NSRP1: variants seen among roughly 807,000 people sequenced by gnomAD.
NSRP1 encodes coiled-coil domain containing 55.
NSRP1 carries 24 observed loss-of-function variants against 54.7 expected under a neutral mutation model. That is an observed-to-expected ratio of 0.44 (90% CI 0.32 to 0.62). The LOEUF is 0.62. NSRP1 is among the 20% of genes least tolerant of loss of function. The pLI is 0.06. For synonymous variants in NSRP1, 210 were observed against 213.8 expected, an observed-to-expected ratio of 0.98 and a Z score of 0.15; for missense variants, 596 against 651.2, an observed-to-expected ratio of 0.92 and a Z score of 0.92.
intron 2 of NSRP1, among the ~76,000 whole-genome samples, chr17:30,152,933 G>C (rs1220659745): frequency 1.0e-5 from 1 of 96,868 alleles, no homozygotes; most frequent in African/African-American, 4.0e-5. Flanking sequence ...TTTTGAGACA[G>C]AGCCTTGCTC....
intron 6 of NSRP1, among the ~76,000 whole-genome samples, chr17:30,181,238 T>C (rs1905281005): frequency 6.6e-6 from 1 of 152,178 alleles, no homozygotes; most frequent in South Asian, 2.1e-4. Context: ...TCACAGAAAT[T>C]GTTACATTAA....
rs190283261 is a variant in NSRP1, at chr17:30,153,909, C to G, written c.115-18633C>G. 4.6e-3 allele frequency among the ~76,000 whole-genome samples: 700 copies of G among 152,260 alleles called. 1 individual carries two copies. The highest frequency in any genetic ancestry group is 8.2e-3 in the Non-Finnish European group (558 of 68,012). ...ATAGCCACGTGTGACTGGTGGCTAA[C>G]ATATTGGACAACACAGGTAAAAGAT... On this transcript the variant is annotated intron_variant, in intron 2 of 6. Transcript: ENST00000247026.
chr17:30,177,881 T>TCATACCC, intron 3 of NSRP1, 190 bp from the exon 4 acceptor site: 1 of 663,530 alleles, frequency 1.5e-6, no homozygotes, highest in Admixed American at 2.7e-5. Context: ...CCGGAGTAAT[T>TCATACCC]AGTAAGTGTA....
chr17:30,172,720 G>T, intron 3 of NSRP1, 122 bp downstream of exon 3: 1 of 660,574 alleles, frequency 1.5e-6, no homozygotes, highest in Non-Finnish European at 2.5e-6. Flanking sequence ...ACACAATGAA[G>T]AATTAGCTCC....
intron 2 of NSRP1, among the ~76,000 whole-genome samples, chr17:30,167,269 A>G (rs1478598503): frequency 6.6e-6 from 1 of 152,172 alleles, no homozygotes; most frequent in Non-Finnish European, 1.5e-5. Flanking sequence ...ATACTGTATT[A>G]GTATTTTAAG....
At chr17:30,121,059 A>C (rs1229655879) in intron 2 of NSRP1, among the ~76,000 whole-genome samples, 1 of 152,188 alleles carries the variant, frequency 6.6e-6, no homozygotes, top group East Asian at 1.9e-4. Flanking sequence ...AGTACAAGGC[A>C]TTTTTGTGGA....
intron 3 of NSRP1, among the ~76,000 whole-genome samples, chr17:30,172,822 CT>C (rs1905000212): frequency 6.6e-6 from 1 of 151,532 alleles, no homozygotes; most frequent in African/African-American, 2.4e-5. Context: ...TTATTAAATT[CT>C]TGCTAGTGAG....
chr17:30,153,403 A>C (rs535709117), intron 2 of NSRP1, among the ~76,000 whole-genome samples: 1 of 152,110 alleles, frequency 6.6e-6, no homozygotes, highest in South Asian at 2.1e-4. Flanking sequence ...AATTTTGGTC[A>C]TTATCCCAAA....
intron 2 of NSRP1, among the ~76,000 whole-genome samples, chr17:30,160,473 A>G (rs1904475724): frequency 6.6e-6 from 1 of 152,094 alleles, no homozygotes; most frequent in Non-Finnish European, 1.5e-5. Context: ...ATTCAATCTC[A>G]TTACTCGTTG....
At chr17:30,140,905 C>G (rs1001935353) in intron 2 of NSRP1, among the ~76,000 whole-genome samples, 2 of 152,136 alleles carry the variant, frequency 1.3e-5, no homozygotes, top group Admixed American at 1.3e-4. Flanking sequence ...GCCAGGACCT[C>G]CTGGGCTCAG....
At chr17:30,131,301 CTT>C (rs2151880747) in intron 2 of NSRP1, among the ~76,000 whole-genome samples, 1 of 151,224 alleles carries the variant, frequency 6.6e-6, no homozygotes, top group South Asian at 2.1e-4. Context: ...TGAATAGTAA[CTT>C]TTAAAATTTA....
At chr17:30,175,524 C>G (rs1320587035) in intron 3 of NSRP1, among the ~76,000 whole-genome samples, 2 of 152,010 alleles carry the variant, frequency 1.3e-5, no homozygotes, top group Non-Finnish European at 2.9e-5. Context: ...ACCTCCACCT[C>G]CTGGATTCAA....
intron 2 of NSRP1, among the ~76,000 whole-genome samples, chr17:30,157,440 T>A (rs931433385): frequency 1.3e-5 from 2 of 152,186 alleles, no homozygotes; most frequent in African/African-American, 4.8e-5. Context: ...GTTTTATCAT[T>A]TTTATATGTT....
At chr17:30,176,447 A>G (rs908461655) in intron 3 of NSRP1, among the ~76,000 whole-genome samples, 5 of 151,982 alleles carry the variant, frequency 3.3e-5, no homozygotes, top group Non-Finnish European at 5.9e-5. Flanking sequence ...CGTCTCTACT[A>G]AAAATACAAA....
intron 2 of NSRP1, among the ~76,000 whole-genome samples, chr17:30,148,213 A>G (rs972795575): frequency 9.9e-5 from 15 of 152,202 alleles, no homozygotes; most frequent in African/African-American, 3.4e-4. Context: ...AATATGGTTT[A>G]TTAGATTGAT....
At chr17:30,155,243 A>G (rs2071950696) in intron 2 of NSRP1, among the ~76,000 whole-genome samples, 1 of 152,124 alleles carries the variant, frequency 6.6e-6, no homozygotes, top group Non-Finnish European at 1.5e-5. Context: ...ATTTGATGAC[A>G]TTCCGATTGT....
chr17:30,176,618 C>CCAA (rs1555583105), intron 3 of NSRP1, among the ~76,000 whole-genome samples: 2 of 120,332 alleles, frequency 1.7e-5, no homozygotes, highest in Non-Finnish European at 1.7e-5. Flanking sequence ...CCCCCCCCCC[C>CCAA]AAAAAAAAAA....
intron 4 of NSRP1, 91 bp downstream of exon 4, chr17:30,178,290 G>A: frequency 3.5e-6 from 5 of 1,442,874 alleles, no homozygotes; most frequent in Non-Finnish European, 4.7e-6. Flanking sequence ...CTGAGAAAAA[G>A]CTTTTAGGTA....
At chr17:30,122,386 T>TATATTTA (rs1329288159) in intron 2 of NSRP1, 1 of 7,158 alleles carries the variant, frequency 1.4e-4, no homozygotes, top group Non-Finnish European at 2.6e-4. Context: ...TATATATATA[T>TATATTTA]TTTTTTTTTT....
Sources: allele counts gnomAD v4.1 joint callset (sites outside exome capture counted in the v4.1 genomes callset), GRCh38; gene constraint gnomAD v4.1.1; transcripts MANE v1.5; gene names NCBI Gene and HGNC (gene_info 2026-07-23, HGNC 2026-07-21).